The following PLK4 variants were observed in gnomAD, a reference collection of about 807,000 sequenced individuals.
The protein encoded by PLK4 is polo like kinase 4, also known as serine/threonine-protein kinase PLK4.
In PLK4, 51 loss-of-function variants were observed where a neutral mutation model predicts 103.0. That is an observed-to-expected ratio of 0.50 (90% CI 0.40 to 0.63). PLK4 has a LOEUF of 0.63. Among genes scored for constraint, PLK4 ranks in the 20% least tolerant of loss-of-function variants. The pLI is 0.00. For missense variants in PLK4, 1,054 were observed against 1,151.0 expected (o/e 0.92, Z 1.22); for synonymous variants, 389 against 376.8 (o/e 1.03, Z -0.38).
At chr4:127,887,589 AT>A (rs1735184605) in intron 6 of PLK4, 93 bp downstream of exon 6, 1 of 795,026 alleles carries the variant, frequency 1.3e-6, no homozygotes, top group African/African-American at 1.7e-5. Context: ...AAAGAAAATC[AT>A]TTTCTTGCTT....
In PLK4 at chr4:127,892,423, A is replaced by G. The variant is rs1293515214; in HGVS notation, c.2097A>G (p.Lys699=). ...GGTTTGTACAGCTTGTAAGATCTAA[A>G]TCTCCCAAAATCACTTATTTTACAA... is the stretch of plus-strand genomic sequence containing the variant. ...ASRFVQLVRS[K]SPKITYFTRY... Residue 699 remains lysine, a synonymous_variant, in exon 10 of 16, where the codon AAA becomes AAG. Coordinates refer to ENST00000270861, the MANE Select transcript of PLK4 (RefSeq NM_014264.5). The G allele has an allele frequency of 1.9e-6, 3 of 1,585,756 alleles. No homozygotes were observed. The highest frequency in any genetic ancestry group is 2.6e-6 in the Non-Finnish European group (3 of 1,168,666).
intron 5 of PLK4, among the ~76,000 whole-genome samples, chr4:127,886,978 G>A (rs919344927): frequency 6.6e-6 from 1 of 152,078 alleles, no homozygotes; most frequent in African/African-American, 2.4e-5. Context: ...AGTCTCCAGT[G>A]CAAAGTATCA....
chr4:127,894,330 C>T (rs1429430339), intron 13 of PLK4, among the ~76,000 whole-genome samples: 1 of 152,038 alleles, frequency 6.6e-6, no homozygotes, highest in Non-Finnish European at 1.5e-5. Context: ...GGGTTCACGC[C>T]ATTCTTCTGC....
At chr4:127,888,152 T>A (rs1370894295) in intron 6 of PLK4, among the ~76,000 whole-genome samples, 1 of 110,964 alleles carries the variant, frequency 9.0e-6, no homozygotes, top group Admixed American at 1.4e-4. Context: ...TGCACTCCAG[T>A]CTAGGTGATA....
rs1363052061 is a variant in PLK4 at position 127,893,411 on chromosome 4, C to G, written c.2315C>G (p.Ala772Gly). The G allele has an allele frequency of 6.2e-7, 1 of 1,604,344 alleles. No homozygotes were observed. Among genetic ancestry groups the G allele is most frequent in the South Asian group, 1.1e-5 (1 of 89,450 alleles). ...GAGATAAAAATGTATATGGACCATGCTAATGAGGTACATACCTAATTGTAG... is the reference window on the plus strand; with the variant it reads ...GAGATAAAAATGTATATGGACCATGGTAATGAGGTACATACCTAATTGTAG... Reference protein sequence around the residue: ...KEEIKMYMDHANEGHRICLAL... With the variant: ...KEEIKMYMDHGNEGHRICLAL... The change falls in exon 11 of 16, where the codon GCT becomes GGT. Residue 772 changes from alanine to glycine, a missense_variant. By Grantham distance (60) the Ala-to-Gly change is moderately conservative (BLOSUM62 0). Coordinates refer to ENST00000270861, the MANE Select transcript of PLK4 (RefSeq NM_014264.5).
intron 6 of PLK4, 48 bp from the exon 7 acceptor site, chr4:127,889,818 T>A (rs1735278625): frequency 7.4e-7 from 1 of 1,353,636 alleles, no homozygotes; most frequent in South Asian, 1.5e-5. Context: ...TGTGTCGACT[T>A]GTGTTTTTAG....
In PLK4 at chr4:127,881,887, T is replaced by C. The variant is rs778607661; in HGVS notation, c.87T>C (p.Ala29=). 1.2e-6 allele frequency: 2 copies of C among 1,609,060 alleles called. No individual in the cohort carries two copies. Among genetic ancestry groups the C allele is most frequent in the Non-Finnish European group, 1.7e-6 (2 of 1,175,394 alleles). ...GATCATTTGCTGGTGTCTACAGAGC[T>C]GAGTCCATTCACACTGGTTTGGAAG... ...GKGSFAGVYR[A]ESIHTGLEVA... is the part of the protein sequence containing the mutation. The change falls in exon 2 of 16, where the codon GCT becomes GCC. Residue 29 remains alanine, a synonymous_variant. Coordinates refer to ENST00000270861, the MANE Select transcript of PLK4 (RefSeq NM_014264.5).
At chr4:127,897,824 CTTTTTTTTTTTTT>C (rs200741150) in intron 15 of PLK4, among the ~76,000 whole-genome samples, 263 of 28,778 alleles carry the variant, frequency 9.1e-3, no homozygotes, top group South Asian at 0.015. Flanking sequence ...AGAATTAGGG[CTTTTTTTTTTTTT>C]TTTTTTTTTT....
At chr4:127,895,395 T>C (rs1735523474) in intron 14 of PLK4, among the ~76,000 whole-genome samples, 1 of 151,394 alleles carries the variant, frequency 6.6e-6, no homozygotes, top group Admixed American at 6.6e-5. Context: ...GAGTGTGATA[T>C]CTGGGACGTT....
At chr4:127,885,199 G>A (rs1735071699) in intron 4 of PLK4, among the ~76,000 whole-genome samples, 1 of 152,014 alleles carries the variant, frequency 6.6e-6, no homozygotes, top group Non-Finnish European at 1.5e-5. Context: ...AATATGATAG[G>A]CCAGGCGCGG....
At chr4:127,889,187 A>C (rs1735258172) in intron 6 of PLK4, among the ~76,000 whole-genome samples, 1 of 152,174 alleles carries the variant, frequency 6.6e-6, no homozygotes, top group Non-Finnish European at 1.5e-5. Context: ...AATATAATTC[A>C]AATTTTTAGT....
rs1735171692 is a variant in PLK4, at chr4:127,887,267, G to A, written c.1359-129G>A. 6 of 610,908 alleles carry A rather than the reference G, an allele frequency of 9.8e-6. No individual in the cohort carries two copies. The South Asian group carries it at 1.3e-4, about 13-fold the overall frequency. The allele number at this position is 610,908 out of a possible 1,614,324, so 37.8% of individuals were successfully genotyped here. On this transcript the variant is annotated intron_variant, in intron 5 of 15. Coordinates refer to ENST00000270861, the MANE Select transcript of PLK4 (RefSeq NM_014264.5). ...AAGATAGCATAGTTATGCCAATATT[G>A]TTTTCTATAGTTATTCTAAAATGTT...
chr4:127,881,197 GT>G (rs1431734495), intron 1 of PLK4, 33 bp downstream of exon 1: 2 of 1,613,762 alleles, frequency 1.2e-6, no homozygotes, highest in Admixed American at 1.7e-5. Context: ...AGCGGGGCGG[GT>G]GGGAGTAATT....
chr4:127,886,388 G>A lies in PLK4; in HGVS notation c.1018G>A (p.Gly340Arg). 2 of 1,613,840 alleles carry A rather than the reference G, an allele frequency of 1.2e-6. No homozygotes were observed. The highest frequency in any genetic ancestry group is 1.7e-6 in the Non-Finnish European group (2 of 1,179,838). ...SSTDFSSSGDGNSFYTQWGNQ... is the reference protein window; with the variant it reads ...SSTDFSSSGDRNSFYTQWGNQ... ...AACTGATTTTTCTTCTTCAGGAGATGGAAACAGTTTTTATACTCAGTGGGG... is the reference window on the plus strand; with the variant it reads ...AACTGATTTTTCTTCTTCAGGAGATAGAAACAGTTTTTATACTCAGTGGGG... Residue 340 changes from glycine (G) to arginine (R), a missense_variant, in exon 5 of 16, where the codon GGA becomes AGA. By Grantham distance (125) the Gly-to-Arg change is moderately radical. Coordinates refer to ENST00000270861, the MANE Select transcript of PLK4 (RefSeq NM_014264.5).
chr4:127,892,416 G>T lies in PLK4; in HGVS notation c.2090G>T (p.Arg697Ile). 6.3e-7 allele frequency: 1 copy of T among 1,585,304 alleles called. No individual in the cohort carries two copies. The change falls in exon 10 of 16, where the codon AGA becomes ATA. Residue 697 changes from arginine (R) to isoleucine (I), a missense_variant. Arg to Ile is a moderately conservative substitution (Grantham distance 97). Around this residue, in one of 4 missense-constraint regions of PLK4, gnomAD observed 680 missense variants for 660.3 expected, o/e 1.03. Coordinates refer to ENST00000270861, the MANE Select transcript of PLK4 (RefSeq NM_014264.5). ...QYASRFVQLV[R>I]SKSPKITYFT... Reference sequence around the variant, plus strand: ...GCTTCCAGGTTTGTACAGCTTGTAAGATCTAAATCTCCCAAAATCACTTAT... The same window carrying T: ...GCTTCCAGGTTTGTACAGCTTGTAATATCTAAATCTCCCAAAATCACTTAT...
chr4:127,886,262 TC>T lies in PLK4; in HGVS notation c.894del (p.Ser299ValfsTer4). ...ATISTAITAS[S>X]STSISGSLFD... ...AATTTCTACTGCAATTACAGCTTCTTCCAGTACCAGTATAAGTGGTAGTTTA... is the reference window on the plus strand; with the variant it reads ...AATTTCTACTGCAATTACAGCTTCTTCAGTACCAGTATAAGTGGTAGTTTA... On this transcript the variant is annotated frameshift_variant, in exon 5 of 16. Coordinates refer to ENST00000270861, the MANE Select transcript of PLK4 (RefSeq NM_014264.5). LOFTEE classifies it high-confidence loss of function. 1 of 1,614,024 alleles carries T rather than the reference TC, an allele frequency of 6.2e-7. No individual in the cohort carries two copies. The highest frequency in any genetic ancestry group is 8.5e-7 in the Non-Finnish European group (1 of 1,179,882).
intron 4 of PLK4, among the ~76,000 whole-genome samples, chr4:127,884,201 TC>T (rs1372185361): frequency 6.6e-6 from 1 of 152,218 alleles, no homozygotes; most frequent in Non-Finnish European, 1.5e-5. Flanking sequence ...TTTTTGCAGT[TC>T]AAAGCAGAAC....
chr4:127,896,845 G>A lies in PLK4; in HGVS notation c.2748G>A (p.Gln916=), dbSNP rs142927652. 4.3e-5 allele frequency: 70 copies of A among 1,612,704 alleles called. No homozygotes were observed. Among genetic ancestry groups the A allele is most frequent in the Non-Finnish European group, 5.3e-5 (63 of 1,179,238 alleles). Residue 916 remains glutamine (Q), a synonymous_variant, in exon 15 of 16, where the codon CAG becomes CAA. Coordinates refer to ENST00000270861, the MANE Select transcript of PLK4 (RefSeq NM_014264.5). ...GGGTTCAGTTTAATGATGGGTCCCA[G>A]TTGGTTGTGCAGGCAGGAGTGTCTT... ...AVWVQFNDGS[Q]LVVQAGVSSI...
rs1020000728 is a variant in PLK4 at position 127,898,721 on chromosome 4, C to T, written c.*180C>T. ...AGCAGAATGAAACTTGAGTCACTTA[C>T]TAAATATAGTGGATATAAAATAGAA... On this transcript the variant is annotated 3_prime_UTR_variant, in exon 16 of 16. Transcript: ENST00000270861. 1.4e-5 allele frequency: 7 copies of T among 507,568 alleles called. No individual in the cohort carries two copies. The highest frequency in any genetic ancestry group is 1.2e-4 in the African/African-American group (6 of 50,810). 31.4% of individuals were successfully genotyped at this position (507,568 alleles called of 1,614,324 possible).
Sources: gnomAD v4.1 joint callset for allele counts (sites outside exome capture counted in the v4.1 genomes callset) on GRCh38, gnomAD v4.1.1 for gene constraint, gnomAD v4.1.1 regional missense constraint, MANE v1.5 for transcripts, NCBI Gene and HGNC (gene_info 2026-07-23, HGNC 2026-07-21) for gene names.